Variants in HECW1 observed in about 807,000 individuals in gnomAD.
HECW1 encodes the protein E3 ubiquitin-protein ligase HECW1.
Under a neutral mutation model 182.3 loss-of-function variants are expected in HECW1, and 61 were observed. That is an observed-to-expected ratio of 0.33 (90% CI 0.27 to 0.41). HECW1 has a LOEUF of 0.41. HECW1 is among the 10% of genes least tolerant of loss of function. The pLI is 1.00. For synonymous variants in HECW1, 859 were observed against 832.6 expected (o/e 1.03, Z -0.55); for missense variants, 1,739 against 2,108.9 (o/e 0.82, Z 3.44).
intron 8 of HECW1, among the ~76,000 whole-genome samples, chr7:43,428,780 G>A (rs2152863435): frequency 6.6e-6 from 1 of 152,248 alleles, no homozygotes; most frequent in South Asian, 2.1e-4. Context: ...CAGTTACATT[G>A]CTTATGATCA....
At chr7:43,131,214 G>C (rs879514022) in intron 2 of HECW1, among the ~76,000 whole-genome samples, 1 of 152,132 alleles carries the variant, frequency 6.6e-6, no homozygotes, top group Admixed American at 6.5e-5. Context: ...GCGGTGAGCC[G>C]AGATCTTGCC....
chr7:43,136,252 C>T (rs1189525352), intron 2 of HECW1, among the ~76,000 whole-genome samples: 1 of 152,200 alleles, frequency 6.6e-6, no homozygotes, highest in Non-Finnish European at 1.5e-5. Context: ...TTAGTTGGCA[C>T]TTATCTATTG....
intron 26 of HECW1, among the ~76,000 whole-genome samples, chr7:43,544,169 A>G (rs566791775): frequency 3.9e-5 from 6 of 152,386 alleles, no homozygotes; most frequent in African/African-American, 1.4e-4. Flanking sequence ...GTCATCTGAC[A>G]TAGTCAAATA....
chr7:43,406,292 G>A (rs1489233674), intron 7 of HECW1, among the ~76,000 whole-genome samples: 2 of 152,164 alleles, frequency 1.3e-5, no homozygotes, highest in Non-Finnish European at 2.9e-5. Flanking sequence ...GGATTTGTCT[G>A]CCTCCTTCTT....
Position 43,456,387 on chromosome 7 carries a change from C to A in HECW1, c.2591C>A (p.Ala864Asp). 1 of 1,614,076 alleles carries A rather than the reference C, an allele frequency of 6.2e-7. No individual in the cohort carries two copies. Among genetic ancestry groups the A allele is most frequent in the East Asian group, 2.2e-5 (1 of 44,882 alleles). ...ACCTGGCAGCGTCCGACGGCAGCAG[C>A]CACCCCGGATGGCATGCGGAGATCG... is the stretch of plus-strand genomic sequence containing the variant. ...TTTWQRPTAA[A>D]TPDGMRRSGS... The change falls in exon 13 of 30, where the codon GCC becomes GAC. Residue 864 changes from alanine to aspartate, a missense_variant. Ala to Asp is a moderately radical substitution (Grantham distance 126). Transcript: ENST00000395891.
At chr7:43,202,914 C>T (rs902998096) in intron 2 of HECW1, among the ~76,000 whole-genome samples, 4 of 152,192 alleles carry the variant, frequency 2.6e-5, no homozygotes, top group Non-Finnish European at 5.9e-5. Context: ...CCCTGCTAGC[C>T]AGAGGACAAC....
rs1804515665 is a variant in HECW1, at chr7:43,285,450, G to A, written c.28-26313G>A. On this transcript the variant is annotated intron_variant, in intron 3 of 29. Transcript: ENST00000395891. ...GTCCATGAGGATCTCTGAAGTTCAT[G>A]AGTCATATGCCACTTGGACTGTAAC... 2.6e-5 allele frequency among the ~76,000 whole-genome samples: 4 copies of A among 152,208 alleles called. No individual in the cohort carries two copies. The South Asian group carries it at 8.3e-4, about 32-fold the overall frequency.
chr7:43,114,819 C>T (rs888234230), intron 2 of HECW1, among the ~76,000 whole-genome samples: 6 of 152,076 alleles, frequency 3.9e-5, no homozygotes, highest in African/African-American at 9.7e-5. Flanking sequence ...AGGTCACATC[C>T]GGAGCTGGAA....
At chr7:43,551,708 A>G (rs1016939483) in intron 27 of HECW1, among the ~76,000 whole-genome samples, 11 of 152,204 alleles carry the variant, frequency 7.2e-5, no homozygotes, top group African/African-American at 2.4e-4. Flanking sequence ...CTTGTGTTCT[A>G]AAATATTTAA....
At chr7:43,298,844 C>T (rs908726702) in intron 3 of HECW1, among the ~76,000 whole-genome samples, 2 of 152,202 alleles carry the variant, frequency 1.3e-5, no homozygotes, top group African/African-American at 2.4e-5. Context: ...CCCCACATCT[C>T]GAGGCTCCTT....
intron 3 of HECW1, among the ~76,000 whole-genome samples, chr7:43,309,390 G>A (rs1372269526): frequency 6.6e-6 from 1 of 152,138 alleles, no homozygotes; most frequent in African/African-American, 2.4e-5. Flanking sequence ...ACTGACAAAC[G>A]TCTTCTTTGA....
At chr7:43,271,077 A>T (rs185947663) in intron 3 of HECW1, among the ~76,000 whole-genome samples, 35 of 152,288 alleles carry the variant, frequency 2.3e-4, no homozygotes, top group East Asian at 9.7e-4. Context: ...TGTCAAGGAG[A>T]TAGATTTATA....
At chr7:43,321,913 T>C (rs193178285) in intron 5 of HECW1, among the ~76,000 whole-genome samples, 48 of 152,336 alleles carry the variant, frequency 3.2e-4, no homozygotes, top group African/African-American at 1.1e-3. Flanking sequence ...CTCCCGGCAA[T>C]GACACCAATA....
chr7:43,164,590 C>T (rs775651631), intron 2 of HECW1, among the ~76,000 whole-genome samples: 20 of 152,232 alleles, frequency 1.3e-4, no homozygotes, highest in Non-Finnish European at 2.6e-4. Context: ...CTTTATCAGG[C>T]CTCCTGAGGG....
At chr7:43,273,831 T>G (rs1201223492) in intron 3 of HECW1, among the ~76,000 whole-genome samples, 1 of 151,676 alleles carries the variant, frequency 6.6e-6, no homozygotes, top group East Asian at 1.9e-4. Context: ...TCCCTTAATA[T>G]ATGACAGAAG....
Position 43,445,567 on chromosome 7 carries a change from G to C in HECW1, c.2395G>C (p.Glu799Gln), listed in dbSNP as rs2077028824. The C allele has an allele frequency of 6.3e-7, 1 of 1,581,982 alleles. No individual in the cohort carries two copies. Among genetic ancestry groups the C allele is most frequent in the South Asian group, 1.1e-5 (1 of 88,048 alleles). The stretch of plus-strand genomic sequence containing the variant: ...CGTGGCAGGTCCAAGCAATCGGAGA[G>C]AAGGTTAGACCTCAAACCTGATCAG... ...SPVAGPSNRR[E>Q]GECPILHNSQ... The change falls in exon 11 of 30, where the codon GAA becomes CAA. Residue 799 changes from glutamate (E) to glutamine (Q), a missense_variant. By Grantham distance (29) the Glu-to-Gln change is conservative. This residue lies in a region of HECW1 where 971 missense variants were observed against 1,029.1 expected (regional missense o/e 0.94). Transcript: ENST00000395891.
At chr7:43,433,691 C>A (rs749646199) in intron 8 of HECW1, among the ~76,000 whole-genome samples, 4 of 152,144 alleles carry the variant, frequency 2.6e-5, no homozygotes, top group African/African-American at 7.2e-5. Context: ...TAAAGTGAAG[C>A]CAAGAAAGAG....
intron 8 of HECW1, among the ~76,000 whole-genome samples, chr7:43,436,871 G>A: frequency 6.6e-6 from 1 of 152,040 alleles, no homozygotes; most frequent in East Asian, 1.9e-4. Context: ...AAATTTTTGT[G>A]TATATTGTTT....
chr7:43,163,745 GC>G (rs933894396), intron 2 of HECW1, among the ~76,000 whole-genome samples: 2 of 152,108 alleles, frequency 1.3e-5, no homozygotes, highest in Non-Finnish European at 2.9e-5. Context: ...CTCCTTGCCT[GC>G]TACATGTGGC....
Sources: gnomAD v4.1 joint callset for allele counts (sites outside exome capture counted in the v4.1 genomes callset) on GRCh38, gnomAD v4.1.1 for gene constraint, gnomAD v4.1.1 regional missense constraint, MANE v1.5 for transcripts, NCBI Gene and HGNC (gene_info 2026-07-23, HGNC 2026-07-21) for gene names.